Variants in ZCWPW2 observed in about 807,000 individuals in gnomAD.
ZCWPW2 encodes the protein zinc finger CW-type PWWP domain protein 2.
ZCWPW2 carries 45 observed loss-of-function variants against 46.6 expected under a neutral mutation model. The observed-to-expected ratio is 0.96, with a 90% CI of 0.76 to 1.24. The LOEUF (loss-of-function observed/expected upper bound fraction) is 1.24, where lower values mean the gene tolerates loss of function less well. ZCWPW2 is among the 50% of genes most tolerant of loss of function. The pLI, the probability that ZCWPW2 is intolerant of heterozygous loss-of-function variation, is 0.00. For synonymous variants in ZCWPW2, 152 were observed against 137.1 expected (o/e 1.11, Z -0.76); for missense variants, 429 against 403.9 (o/e 1.06, Z -0.53).
intron 4 of ZCWPW2, among the ~76,000 whole-genome samples, chr3:28,473,785 T>G (rs565766542): frequency 6.6e-6 from 1 of 152,282 alleles, no homozygotes; most frequent in Admixed American, 6.5e-5. Flanking sequence ...AAAGATAAAC[T>G]TTGCATTTTC....
chr3:28,499,549 G>A (rs1450244189), intron 6 of ZCWPW2, among the ~76,000 whole-genome samples: 2 of 151,970 alleles, frequency 1.3e-5, no homozygotes, highest in Non-Finnish European at 2.9e-5. Flanking sequence ...CTGGATATTA[G>A]CCCTTTGTCA....
intron 3 of ZCWPW2, among the ~76,000 whole-genome samples, chr3:28,429,920 T>C (rs1031909681): frequency 6.6e-6 from 1 of 152,104 alleles, no homozygotes; most frequent in Non-Finnish European, 1.5e-5. Flanking sequence ...AGAGGATGTA[T>C]GGAAATGCCT....
intron 4 of ZCWPW2, chr3:28,478,407 GC>G (rs1699308679): frequency 5.4e-6 from 1 of 185,936 alleles, no homozygotes; most frequent in Middle Eastern, 5.4e-4. Context: ...ACTGCACCCT[GC>G]CAAATTAATT....
At chr3:28,400,496 T>C (rs1478561371) in intron 2 of ZCWPW2, among the ~76,000 whole-genome samples, 11 of 152,176 alleles carry the variant, frequency 7.2e-5, no homozygotes, top group Admixed American at 7.2e-4. Flanking sequence ...CATCAAGTTA[T>C]CTAAAGTTAA....
At chr3:28,442,823 G>A (rs78635961) in intron 4 of ZCWPW2, among the ~76,000 whole-genome samples, 3,991 of 152,224 alleles carry the variant, frequency 0.026, 155 homozygotes, top group African/African-American at 0.085. Context: ...GGATGTGGTG[G>A]GGATCACCAC....
chr3:28,489,668 G>GCACACACA (rs1209352772), intron 5 of ZCWPW2, among the ~76,000 whole-genome samples: 20 of 39,586 alleles, frequency 5.1e-4, no homozygotes, highest in South Asian at 2.5e-3. Flanking sequence ...ACACACGCGC[G>GCACACACA]CACACACACA....
intron 2 of ZCWPW2, among the ~76,000 whole-genome samples, chr3:28,396,099 A>G (rs1045924243): frequency 6.6e-6 from 1 of 152,106 alleles, no homozygotes; most frequent in Admixed American, 6.5e-5. Flanking sequence ...TTTGAGGAAA[A>G]TTGGAAAAGC....
chr3:28,509,257 T>C lies in ZCWPW2; in HGVS notation c.658-4807T>C, dbSNP rs1173726275. 5.9e-5 allele frequency among the ~76,000 whole-genome samples: 9 copies of C among 152,306 alleles called. No individual in the cohort carries two copies. The East Asian group carries it at 1.3e-3, about 23-fold the overall frequency. On this transcript the variant is annotated intron_variant, in intron 6 of 9. Transcript: ENST00000383768. ...TGGACATTTGGGTTGTTTCTACTCT[T>C]TGGCTATTATAAATAATGCCATTAT...
intron 2 of ZCWPW2, among the ~76,000 whole-genome samples, chr3:28,400,445 G>A (rs1695874635): frequency 6.6e-6 from 1 of 152,262 alleles, no homozygotes; most frequent in Non-Finnish European, 1.5e-5. Flanking sequence ...AAGAATACCT[G>A]CAAAATTCAT....
At chr3:28,354,747 G>A (rs1317758192) in intron 1 of ZCWPW2, among the ~76,000 whole-genome samples, 14 of 72,534 alleles carry the variant, frequency 1.9e-4, no homozygotes, top group Admixed American at 5.8e-4. Flanking sequence ...AACCAACGAC[G>A]AAAACCATAT....
At chr3:28,498,128 A>C (rs570468788) in intron 6 of ZCWPW2, among the ~76,000 whole-genome samples, 1 of 152,182 alleles carries the variant, frequency 6.6e-6, no homozygotes, top group African/African-American at 2.4e-5. Context: ...TAATAAAATA[A>C]GGACTAAAAA....
rs930031320 is a variant in ZCWPW2, at chr3:28,522,561, G to A, written c.909+1445G>A. 4.6e-5 allele frequency among the ~76,000 whole-genome samples: 7 copies of A among 152,084 alleles called. No homozygotes were observed. In the East Asian group the frequency reaches 5.8e-4, roughly 13 times the overall value. On this transcript the variant is annotated intron_variant, in intron 9 of 9. Transcript: ENST00000383768. Reference sequence around the variant, plus strand: ...GAATGTCAATAAAAATAGATTATTCGTAAACATGTCCTTTATTGAGTTAGA... The same window carrying A: ...GAATGTCAATAAAAATAGATTATTCATAAACATGTCCTTTATTGAGTTAGA...
chr3:28,440,538 A>G (rs141001925), intron 4 of ZCWPW2, among the ~76,000 whole-genome samples: 1 of 152,178 alleles, frequency 6.6e-6, no homozygotes, highest in Admixed American at 6.5e-5. Context: ...CTTCTGGAGA[A>G]CTTTGGCCAA....
chr3:28,466,312 G>C (rs377702177), intron 4 of ZCWPW2, among the ~76,000 whole-genome samples: 1 of 152,078 alleles, frequency 6.6e-6, no homozygotes, highest in South Asian at 2.1e-4. Flanking sequence ...TAATGGACCT[G>C]AACATGTGCC....
intron 6 of ZCWPW2, among the ~76,000 whole-genome samples, chr3:28,510,258 T>C (rs1269542193): frequency 1.3e-5 from 2 of 152,182 alleles, no homozygotes; most frequent in Non-Finnish European, 2.9e-5. Flanking sequence ...TTCTTTTAGC[T>C]ACACCCTTTG....
At chr3:28,515,717 G>T in intron 8 of ZCWPW2, 96 bp downstream of exon 8, 1 of 149,542 alleles carries the variant, frequency 6.7e-6, no homozygotes, top group Non-Finnish European at 1.1e-5. Context: ...AAGATTTCCT[G>T]TGTGTGTGTG....
chr3:28,443,835 G>C lies in ZCWPW2; in HGVS notation c.492+8566G>C, dbSNP rs1054877782. Among the ~76,000 whole-genome samples, 37 of 152,100 alleles carry C rather than the reference G, an allele frequency of 2.4e-4. 1 individual carries two copies. The highest frequency in any genetic ancestry group is 8.9e-4 in the African/African-American group (37 of 41,406). On this transcript the variant is annotated intron_variant, in intron 4 of 9. Transcript: ENST00000383768. ...CACAAATCTGTTTCACAAGGCATTG[G>C]TGAAGGGTATATCTTCTGGACCCTT...
At chr3:28,495,184 C>T (rs370472922) in intron 6 of ZCWPW2, among the ~76,000 whole-genome samples, 1 of 152,176 alleles carries the variant, frequency 6.6e-6, no homozygotes, top group African/African-American at 2.4e-5. Context: ...AACTATACTA[C>T]AAGGCTACAG....
intron 4 of ZCWPW2, among the ~76,000 whole-genome samples, chr3:28,438,249 G>A (rs986102838): frequency 1.3e-5 from 2 of 152,202 alleles, no homozygotes; most frequent in Admixed American, 6.5e-5. Flanking sequence ...TCCCTCATTT[G>A]TGCAAGCCCT....
Sources: allele counts gnomAD v4.1 joint callset (sites outside exome capture counted in the v4.1 genomes callset), GRCh38; gene constraint gnomAD v4.1.1; transcripts MANE v1.5; gene names NCBI Gene and HGNC (gene_info 2026-07-23, HGNC 2026-07-21).